The following RGS3 variants were observed in gnomAD, a reference collection of about 807,000 sequenced individuals.
The protein encoded by RGS3 is regulator of G protein signaling 3.
A neutral mutation model predicts 132.6 loss-of-function variants in RGS3; 80 were observed. The observed-to-expected ratio is 0.60, with a 90% confidence interval of 0.50 to 0.73. RGS3 has a LOEUF of 0.73. RGS3 is among the 30% of genes least tolerant of loss of function. RGS3 has a pLI of 0.00. For synonymous variants in RGS3, 598 were observed against 620.6 expected (o/e 0.96, Z 0.54); for missense variants, 1,382 against 1,530.8 (o/e 0.90, Z 1.62).
chr9:113,463,761 C>G lies in RGS3; in HGVS notation c.415+1560C>G. On this transcript the variant is annotated intron_variant, in intron 3 of 24. Transcript: ENST00000350696. This position sits in a 1 kb window ranked among gnomAD's most constrained non-coding sequence, Gnocchi z 4.6. The stretch of plus-strand genomic sequence containing the variant: ...GGTTACTGGGGAGCAACACAGCCGC[C>G]TCGGGTTGCAGACGCTCCTGTCCGG... The G allele has an allele frequency of 6.4e-7, 1 of 1,574,468 alleles. No individual in the cohort carries two copies. Among genetic ancestry groups the G allele is most frequent in the Non-Finnish European group, 8.6e-7 (1 of 1,161,950 alleles).
At chr9:113,551,388 G>T (rs1269635075) in intron 19 of RGS3, among the ~76,000 whole-genome samples, 1 of 152,136 alleles carries the variant, frequency 6.6e-6, no homozygotes, top group Non-Finnish European at 1.5e-5. Context: ...GGACATTTGG[G>T]TTGTTTACAC....
chr9:113,582,855 A>G (rs1834894011), intron 19 of RGS3: 1 of 156,302 alleles, frequency 6.4e-6, no homozygotes, highest in African/African-American at 2.4e-5. Flanking sequence ...AGGTGTGGAC[A>G]ATATTTTAAA....
chr9:113,454,706 A>G (rs997804892), intron 1 of RGS3, among the ~76,000 whole-genome samples: 1 of 91,196 alleles, frequency 1.1e-5, no homozygotes, highest in Admixed American at 1.1e-4. Flanking sequence ...TTTTTTTTTT[A>G]GATGGACAAG....
chr9:113,501,701 G>A (rs1344400734), intron 10 of RGS3: 2 of 1,430,110 alleles, frequency 1.4e-6, no homozygotes, highest in South Asian at 1.2e-5. Context: ...CATCTGAGAA[G>A]GATCTCGCTC....
intron 23 of RGS3, 53 bp downstream of exon 21, chr9:113,595,033 G>A (rs1035487322): frequency 1.4e-5 from 21 of 1,525,098 alleles, no homozygotes; most frequent in Admixed American, 1.7e-5. Context: ...TCTCCCCTTC[G>A]CCCCCATCCA....
In RGS3 at chr9:113,506,547, C is replaced by T; in HGVS notation, c.1085+54C>T. 8.5e-7 allele frequency: 1 copy of T among 1,176,422 alleles called. No homozygotes were observed. The highest frequency in any genetic ancestry group is 1.3e-5 in the South Asian group (1 of 76,550). The allele number at this position is 1,176,422 out of a possible 1,614,324, so 72.9% of individuals were successfully genotyped here. A position where few individuals can be genotyped will look rare whatever the true frequency, so the allele number is the denominator to read the frequency against. ...CCTCAGGCTGATGGCACACCCTCCC[C>T]ACCCCTGGGCACACTGCCTTGCCTG... On this transcript the variant is annotated intron_variant, in intron 12 of 24. Coordinates refer to ENST00000350696, the Ensembl canonical transcript of RGS3. The surrounding 1 kb of genome is among the most constrained non-coding windows in gnomAD (Gnocchi z 4.7).
At chr9:113,446,017 A>T (rs1343357089) in intron 1 of RGS3, among the ~76,000 whole-genome samples, 3 of 152,188 alleles carry the variant, frequency 2.0e-5, no homozygotes, top group South Asian at 2.1e-4. Flanking sequence ...GTTTGGTGGG[A>T]GGGAGTGAGG....
At position 113,596,912 on chromosome 9, in the gene RGS3, C is replaced by A. The variant is rs778954272; in HGVS notation, c.3556C>A (p.Leu1186Met). 5.6e-6 allele frequency: 9 copies of A among 1,612,904 alleles called. No homozygotes were observed. The South Asian group carries it at 7.7e-5, about 14-fold the overall frequency. ...TCGCTTTCTCCGTTCTGACCTCTAC[C>A]TGGACCTTATTAACCAGAAGAAGAT... Residue 1186 changes from leucine (L) to methionine (M), a missense_variant, in exon 25 of 25, where the codon CTG (leucine) becomes ATG (methionine). By Grantham distance (15) the Leu-to-Met change is conservative. Coordinates refer to ENST00000350696, the Ensembl canonical transcript of RGS3.
At chr9:113,562,571 G>A in intron 19 of RGS3, among the ~76,000 whole-genome samples, 1 of 152,094 alleles carries the variant, frequency 6.6e-6, no homozygotes, top group East Asian at 1.9e-4. Context: ...GCTTAGAGCA[G>A]TGCTGTCATG....
At chr9:113,534,144 G>A (rs1832585914) in intron 18 of RGS3, among the ~76,000 whole-genome samples, 2 of 152,348 alleles carry the variant, frequency 1.3e-5, no homozygotes, top group South Asian at 4.1e-4. Context: ...GAAGTCCCTA[G>A]ATATTATCAG....
intron 22 of RGS3, 120 bp from the exon 21 acceptor site, chr9:113,594,799 C>T (rs1835670337): frequency 1.1e-5 from 11 of 988,018 alleles, no homozygotes; most frequent in Admixed American, 1.1e-4. Flanking sequence ...CCTGGGCGCC[C>T]CAGCTGGGCT....
chr9:113,545,632 C>T (rs777690427), intron 19 of RGS3, among the ~76,000 whole-genome samples: 26 of 152,186 alleles, frequency 1.7e-4, no homozygotes, highest in South Asian at 1.0e-3. Context: ...TTCTCTTCCT[C>T]GAAGACTTTC....
intron 19 of RGS3, among the ~76,000 whole-genome samples, chr9:113,562,629 G>A (rs770429892): frequency 2.0e-5 from 3 of 152,130 alleles, no homozygotes; most frequent in Non-Finnish European, 4.4e-5. Flanking sequence ...TCAGTGATTG[G>A]GGCCCAGTTC....
intron 19 of RGS3, among the ~76,000 whole-genome samples, chr9:113,554,450 C>T (rs6478021): frequency 0.014 from 2,076 of 152,304 alleles, 42 homozygotes; most frequent in African/African-American, 0.048. Context: ...GGACTACAGG[C>T]ACACGCCATC....
intron 19 of RGS3, chr9:113,541,311 G>C: frequency 3.1e-6 from 5 of 1,612,520 alleles, no homozygotes; most frequent in Non-Finnish European, 4.2e-6. Context: ...GTTCTGTCTG[G>C]TTCCACAGAA....
intron 7 of RGS3, among the ~76,000 whole-genome samples, chr9:113,492,979 G>C (rs561300736): frequency 6.6e-6 from 1 of 152,350 alleles, no homozygotes; most frequent in South Asian, 2.1e-4. Context: ...AGAGGTTGCT[G>C]AGCTAATGCA....
At chr9:113,512,791 T>A (rs979995214) in intron 14 of RGS3, among the ~76,000 whole-genome samples, 2 of 152,120 alleles carry the variant, frequency 1.3e-5, no homozygotes, top group African/African-American at 4.8e-5. Flanking sequence ...CCCAGGAGTG[T>A]GTGGAGCCTG....
chr9:113,489,209 A>G (rs1386340163), intron 7 of RGS3, among the ~76,000 whole-genome samples: 1 of 152,224 alleles, frequency 6.6e-6, no homozygotes, highest in Non-Finnish European at 1.5e-5. Context: ...GTGTGTGGAC[A>G]TTAAGCACAT....
chr9:113,541,175 G>T (rs1832886036), intron 19 of RGS3: 1 of 781,930 alleles, frequency 1.3e-6, no homozygotes. Flanking sequence ...GTGCCACCTT[G>T]TCATCTCCAC....
Sources: gnomAD v4.1 joint callset for allele counts (sites outside exome capture counted in the v4.1 genomes callset) on GRCh38, gnomAD v4.1.1 for gene constraint, Gnocchi (gnomAD v3.1) non-coding constraint, MANE v1.5 for transcripts, NCBI Gene and HGNC (gene_info 2026-07-23, HGNC 2026-07-21) for gene names.